Variants in CADM1 observed in about 807,000 individuals in gnomAD.
CADM1 encodes TSLC-1.
CADM1 carries 15 observed loss-of-function variants against 53.1 expected under a neutral mutation model. The observed-to-expected ratio is 0.28, with a 90% CI of 0.19 to 0.44. CADM1 has a LOEUF of 0.44. Ranked by LOEUF, CADM1 falls within the 20% of genes least tolerant of loss-of-function variation. The pLI is 1.00. For missense variants in CADM1, 434 were observed against 611.3 expected, an observed-to-expected ratio of 0.71 and a Z score of 3.06; for synonymous variants, 281 against 243.0, an observed-to-expected ratio of 1.16 and a Z score of -1.45.
chr11:115,455,205 C>T (rs2135359216), intron 1 of CADM1, among the ~76,000 whole-genome samples: 1 of 152,090 alleles, frequency 6.6e-6, no homozygotes, highest in South Asian at 2.1e-4. Flanking sequence ...TCCTTCGTTT[C>T]CAACCAATTG....
intron 1 of CADM1, among the ~76,000 whole-genome samples, chr11:115,438,403 G>A (rs1017691048): frequency 3.3e-5 from 5 of 152,072 alleles, no homozygotes; most frequent in African/African-American, 1.2e-4. Flanking sequence ...ACTTCGGTTT[G>A]CTGCTGATTC....
Position 115,284,114 on chromosome 11 carries a change from CTGTGTGTGTGTGTGTG to C in CADM1, c.125-43710_125-43695del, listed in dbSNP as rs751286330. ...TCTCTCTCTCTCTCTCTCTCTCTCT[CTGTGTGTGTGTGTGTG>C]TGTGTGTGTGTGTGTGTGTGTGTGT... On this transcript the variant is annotated intron_variant, in intron 1 of 11. Coordinates refer to ENST00000331581, the MANE Select transcript of CADM1 (RefSeq NM_001301043.2). Among the ~76,000 whole-genome samples, 107 of 98,670 alleles carry C rather than the reference CTGTGTGTGTGTGTGTG, an allele frequency of 1.1e-3. 2 individuals carry two copies. In the East Asian group the frequency reaches 0.012, roughly 11 times the overall value. The allele number at this position is 98,670 out of a possible 152,430, so 64.7% of individuals were successfully genotyped here. A position where few individuals can be genotyped will look rare whatever the true frequency, so the allele number is the denominator to read the frequency against.
intron 1 of CADM1, among the ~76,000 whole-genome samples, chr11:115,271,007 G>C (rs1053631101): frequency 1.3e-5 from 2 of 152,160 alleles, no homozygotes; most frequent in African/African-American, 4.8e-5. Context: ...AAAGTGAACT[G>C]TTCATTAGCA....
At chr11:115,219,431 C>G (rs1267097077) in intron 5 of CADM1, among the ~76,000 whole-genome samples, 1 of 152,116 alleles carries the variant, frequency 6.6e-6, no homozygotes, top group East Asian at 1.9e-4. Flanking sequence ...CCTTGTTCAC[C>G]CACCAGTGTG....
chr11:115,175,377 A>G lies in CADM1; in HGVS notation c.*1097T>C, dbSNP rs968734581. 1.2e-5 allele frequency: 4 copies of G among 340,086 alleles called. No individual in the cohort carries two copies. The African/African-American group carries it at 2.8e-4, about 24-fold the overall frequency. 21.1% of individuals were successfully genotyped at this position (340,086 alleles called of 1,614,324 possible). On this transcript the variant is annotated 3_prime_UTR_variant, in exon 12 of 12. Transcript: ENST00000331581. ...TGCCTTCCTAACTAAGCACAAAGGA[A>G]AAAAAAAAAAAAATCAACTCTGTCC... is the stretch of plus-strand genomic sequence containing the variant.
chr11:115,230,859 T>C (rs1000822689), intron 4 of CADM1, among the ~76,000 whole-genome samples: 2 of 152,334 alleles, frequency 1.3e-5, no homozygotes, highest in African/African-American at 2.4e-5. Flanking sequence ...GGAAAGCATA[T>C]AGTCAACACA....
intron 6 of CADM1, among the ~76,000 whole-genome samples, chr11:115,217,281 C>T (rs956631186): frequency 6.6e-6 from 1 of 152,144 alleles, no homozygotes; most frequent in Non-Finnish European, 1.5e-5. Flanking sequence ...CAAGTGGCTC[C>T]TTTATACTTT....
chr11:115,189,262 C>T (rs1348625076), intron 10 of CADM1, among the ~76,000 whole-genome samples: 1 of 152,060 alleles, frequency 6.6e-6, no homozygotes. Context: ...AGTGCTGAGG[C>T]CCAGAGTATT....
chr11:115,412,906 C>T (rs1947493931), intron 1 of CADM1, among the ~76,000 whole-genome samples: 1 of 152,194 alleles, frequency 6.6e-6, no homozygotes, highest in Non-Finnish European at 1.5e-5. Flanking sequence ...ATTTTATTCA[C>T]ACCTCAATTA....
intron 1 of CADM1, among the ~76,000 whole-genome samples, chr11:115,390,444 A>G (rs1273236936): frequency 1.3e-5 from 2 of 151,890 alleles, no homozygotes; most frequent in African/African-American, 2.4e-5. Context: ...AGAGGAATAT[A>G]GGAAGAAGAG....
At chr11:115,176,711 G>A (rs1591574888) in intron 11 of CADM1, 119 bp from the exon 12 acceptor site, 1 of 862,574 alleles carries the variant, frequency 1.2e-6, no homozygotes, top group East Asian at 2.5e-5. Context: ...GCAGCAGAGG[G>A]GAAAAAACAA....
chr11:115,265,178 C>G (rs1389482271), intron 1 of CADM1, among the ~76,000 whole-genome samples: 3 of 152,156 alleles, frequency 2.0e-5, no homozygotes, highest in Non-Finnish European at 4.4e-5. Context: ...TTCTGCCTGC[C>G]TGTTTTTAAA....
chr11:115,480,691 T>A (rs547560103), intron 1 of CADM1, among the ~76,000 whole-genome samples: 5 of 152,238 alleles, frequency 3.3e-5, no homozygotes, highest in Non-Finnish European at 7.4e-5. Flanking sequence ...TTCCTAGAAT[T>A]TCTGAGTTCT....
chr11:115,424,827 G>GA (rs745485879), intron 1 of CADM1, among the ~76,000 whole-genome samples: 2 of 151,988 alleles, frequency 1.3e-5, no homozygotes, highest in African/African-American at 2.4e-5. Context: ...CGCCCAGCCA[G>GA]AAAACACACT....
At chr11:115,178,609 G>A (rs762346837) in intron 11 of CADM1, 35 bp downstream of exon 11, 2 of 1,608,380 alleles carry the variant, frequency 1.2e-6, no homozygotes, top group South Asian at 1.1e-5. Context: ...AAGCTGTGGG[G>A]ACACGCTGCT....
chr11:115,422,647 T>C (rs536853882), intron 1 of CADM1, among the ~76,000 whole-genome samples: 1 of 152,364 alleles, frequency 6.6e-6, no homozygotes, highest in East Asian at 1.9e-4. Flanking sequence ...CTGGTCTAAA[T>C]TGAATAGACC....
intron 1 of CADM1, among the ~76,000 whole-genome samples, chr11:115,495,326 C>T (rs922921825): frequency 6.6e-6 from 1 of 152,124 alleles, no homozygotes; most frequent in South Asian, 2.1e-4. Context: ...TACCACATAA[C>T]CCATTCCCCA....
In CADM1 at chr11:115,504,332, A is replaced by AGGCGCC. The variant is rs1565459774; in HGVS notation, c.57_62dup (p.Ala20_Pro21dup). 4 of 1,550,970 alleles carry AGGCGCC rather than the reference A, an allele frequency of 2.6e-6. No homozygotes were observed. Among genetic ancestry groups the AGGCGCC allele is most frequent in the Non-Finnish European group, 3.5e-6 (4 of 1,147,556 alleles). On this transcript the variant is annotated inframe_insertion, in exon 1 of 12. Coordinates refer to ENST00000331581, the MANE Select transcript of CADM1 (RefSeq NM_001301043.2). ...GCAGAAGCCGGAGCCGGAGCCCGGGAGGCGCCGCCGCCGCCGCTGCCGCCG... is the reference window on the plus strand; with the variant it reads ...GCAGAAGCCGGAGCCGGAGCCCGGGAGGCGCCGGCGCCGCCGCCGCCGCTGCCGCCG...
intron 8 of CADM1, among the ~76,000 whole-genome samples, 169 bp downstream of exon 8, chr11:115,209,405 G>A (rs934728773): frequency 6.6e-6 from 1 of 152,154 alleles, no homozygotes; most frequent in African/African-American, 2.4e-5. Flanking sequence ...ATGTTTCTGA[G>A]GTCCTTAAGA....
Sources: gnomAD v4.1 joint callset for allele counts (sites outside exome capture counted in the v4.1 genomes callset) on GRCh38, gnomAD v4.1.1 for gene constraint, MANE v1.5 for transcripts, NCBI Gene and HGNC (gene_info 2026-07-23, HGNC 2026-07-21) for gene names.